AGRN: variants seen among roughly 807,000 people sequenced by gnomAD.
The protein encoded by AGRN is agrin proteoglycan.
Under a neutral mutation model 211.0 loss-of-function variants are expected in AGRN, and 106 were observed. That is an observed-to-expected ratio of 0.50 (90% CI 0.43 to 0.59). The LOEUF is 0.59. Ranked by LOEUF, AGRN falls within the 20% of genes least tolerant of loss-of-function variation. The pLI is 0.00. For synonymous variants in AGRN, 1,525 were observed against 1,332.5 expected (o/e 1.14, Z -3.15); for missense variants, 3,040 against 2,982.6 (o/e 1.02, Z -0.45).
chr1:1,035,078 A>C, intron 2 of AGRN, 199 bp from the exon 3 acceptor site: 3 of 661,006 alleles, frequency 4.5e-6, no homozygotes, highest in East Asian at 2.7e-5. Flanking sequence ...CTGGAGGGGC[A>C]GAGAAAAGCA....
In AGRN at chr1:1,040,783, T is replaced by G; in HGVS notation, c.630T>G (p.Cys210Trp). Residue 210 changes from cysteine to tryptophan, a missense_variant, in exon 4 of 36, where the codon TGT becomes TGG. By Grantham distance (215) the Cys-to-Trp change is radical (BLOSUM62 -2). Coordinates refer to ENST00000379370, the MANE Select transcript of AGRN (RefSeq NM_198576.4). Reference protein sequence around the residue: ...SPCPSVVAPVCGSDASTYSNE... With the variant: ...SPCPSVVAPVWGSDASTYSNE... Reference sequence around the variant, plus strand: ...GCCCCAGCGTGGTGGCGCCTGTGTGTGGGTCGGACGCCTCCACCTACAGCA... The same window carrying G: ...GCCCCAGCGTGGTGGCGCCTGTGTGGGGGTCGGACGCCTCCACCTACAGCA... 1 of 1,539,122 alleles carries G rather than the reference T, an allele frequency of 6.5e-7. No individual in the cohort carries two copies. The highest frequency in any genetic ancestry group is 8.7e-7 in the Non-Finnish European group (1 of 1,147,468).
Position 1,032,248 on chromosome 1 carries a change from C to G in AGRN, c.464-3029C>G, listed in dbSNP as rs555855863. ...TTCCTGCAGGGTTTCATTGGAACAC[C>G]AGGTTCCAGGGCCGTAGAGATGTGG... is the stretch of plus-strand genomic sequence containing the variant. On this transcript the variant is annotated intron_variant, in intron 2 of 35. Coordinates refer to ENST00000379370, the MANE Select transcript of AGRN (RefSeq NM_198576.4). This position sits in a 1 kb window ranked among gnomAD's most constrained non-coding sequence, Gnocchi z 4.7. 7.4e-4 allele frequency among the ~76,000 whole-genome samples: 113 copies of G among 152,270 alleles called. 1 individual carries two copies. Among genetic ancestry groups the G allele is most frequent in the African/African-American group, 2.6e-3 (108 of 41,536 alleles).
At position 1,044,189 on chromosome 1, in the gene AGRN, T is replaced by C; in HGVS notation, c.2080T>C (p.Trp694Arg). The C allele has an allele frequency of 6.2e-7, 1 of 1,613,008 alleles. No individual in the cohort carries two copies. Among genetic ancestry groups the C allele is most frequent in the South Asian group, 1.1e-5 (1 of 91,066 alleles). ...GCTGTGCCGGCAGCGCGGTGGCATC[T>C]GGGACGAGGACTCGGAGGACGGGCC... is the stretch of plus-strand genomic sequence containing the variant. ...QELCRQRGGI[W>R]DEDSEDGPCV... The change falls in exon 11 of 36, where the codon TGG becomes CGG. Residue 694 changes from tryptophan (W) to arginine (R), a missense_variant. Around this residue, in one of 3 missense-constraint regions of AGRN, gnomAD observed 1,498 missense variants for 1,457.8 expected, o/e 1.03. Coordinates refer to ENST00000379370, the MANE Select transcript of AGRN (RefSeq NM_198576.4).
At chr1:1,042,771 G>T (rs1265042962) in intron 7 of AGRN, among the ~76,000 whole-genome samples, 1 of 152,166 alleles carries the variant, frequency 6.6e-6, no homozygotes, top group Non-Finnish European at 1.5e-5. Context: ...TGCGGCAGGG[G>T]GGGTGGCTTG....
rs756083273 is a variant in AGRN, at chr1:1,050,531, C to T, written c.5081C>T (p.Ala1694Val). ...GGCAAGGGGGACTTCGTGTCGCTGG[C>T]ACTGCGGGACCGCCGCCTGGAGTTC... ...TDGKGDFVSL[A>V]LRDRRLEFRY... The change falls in exon 29 of 36, where the codon GCA becomes GTA. Residue 1694 changes from alanine (A) to valine (V), a missense_variant. Physicochemically the swap from Ala to Val is moderately conservative, Grantham distance 64. Transcript: ENST00000379370. 5.6e-6 allele frequency: 9 copies of T among 1,612,766 alleles called. No individual in the cohort carries two copies. The highest frequency in any genetic ancestry group is 1.1e-5 in the South Asian group (1 of 91,070).
At chr1:1,047,735 T>C (rs1557713275) in intron 21 of AGRN, 41 bp from the exon 22 acceptor site, 1 of 1,612,208 alleles carries the variant, frequency 6.2e-7, no homozygotes, top group Non-Finnish European at 8.5e-7. Flanking sequence ...GGGTGGGGGA[T>C]GCCTGGGGCT....
At chr1:1,051,962 G>T in intron 33 of AGRN, 147 bp downstream of exon 33, 1 of 1,547,538 alleles carries the variant, frequency 6.5e-7, no homozygotes, top group Non-Finnish European at 8.7e-7. Context: ...CGGTCCTCCC[G>T]CCTCTCACTG....
At position 1,047,636 on chromosome 1, in the gene AGRN, C is replaced by G. The variant is rs1179166842; in HGVS notation, c.3580C>G (p.Leu1194Val). 1.2e-6 allele frequency: 2 copies of G among 1,612,972 alleles called. No individual in the cohort carries two copies. The highest frequency in any genetic ancestry group is 1.7e-6 in the Non-Finnish European group (2 of 1,180,038). ...TTTTCGGAGTGTCCGCTTGCGGGAC[C>G]TGGGGCCCGGCAAATCCGTCCGCGC... is the stretch of plus-strand genomic sequence containing the variant. The part of the protein sequence containing the change: ...KDFRSVRLRD[L>V]GPGKSVRAIV... Residue 1194 changes from leucine (L) to valine (V), a missense_variant, in exon 21 of 36, where the codon CTG becomes GTG. Around this residue, in one of 3 missense-constraint regions of AGRN, gnomAD observed 1,537 missense variants for 1,505.0 expected, o/e 1.02. Transcript: ENST00000379370.
Position 1,040,697 on chromosome 1 carries a change from G to A in AGRN, c.544G>A (p.Val182Met), listed in dbSNP as rs561344136. 1.9e-5 allele frequency: 30 copies of A among 1,547,586 alleles called. No individual in the cohort carries two copies. The East Asian group carries it at 4.9e-4, about 25-fold the overall frequency. ...GGGAATGCTGTGCGGCTTCGGCGCCGTGTGCGAGCCCAACGCGGAGGGGCC... is the reference window on the plus strand; with the variant it reads ...GGGAATGCTGTGCGGCTTCGGCGCCATGTGCGAGCCCAACGCGGAGGGGCC... ...CRGMLCGFGA[V>M]CEPNAEGPGR... The change falls in exon 4 of 36, where the codon GTG (valine) becomes ATG (methionine). Residue 182 changes from valine to methionine, a missense_variant. By Grantham distance (21) the Val-to-Met change is conservative (BLOSUM62 1). This residue lies in a region of AGRN where 1,498 missense variants were observed against 1,457.8 expected (regional missense o/e 1.03). Coordinates refer to ENST00000379370, the MANE Select transcript of AGRN (RefSeq NM_198576.4).
In AGRN at chr1:1,031,598, G is replaced by T. The variant is rs969953934; in HGVS notation, c.464-3679G>T. Among the ~76,000 whole-genome samples, 16 of 152,204 alleles carry T rather than the reference G, an allele frequency of 1.1e-4. No individual in the cohort carries two copies. Among genetic ancestry groups the T allele is most frequent in the Non-Finnish European group, 2.1e-4 (14 of 68,010 alleles). On this transcript the variant is annotated intron_variant, in intron 2 of 35. Transcript: ENST00000379370. The surrounding 1 kb of genome is among the most constrained non-coding windows in gnomAD (Gnocchi z 4.8). ...CCAAGGGGCCCTAAGCCTCATTCCA[G>T]TGTCGGCCTGGGGCAGCCAGGCCCC...
rs1336013600 is a variant in AGRN at position 1,055,960 on chromosome 1, TTCCCCACCCCCATCCCA to T, written c.*992_*1008del. 1 of 152,226 alleles carries T rather than the reference TTCCCCACCCCCATCCCA, an allele frequency of 6.6e-6. No individual in the cohort carries two copies. The highest frequency in any genetic ancestry group is 1.5e-5 in the Non-Finnish European group (1 of 68,052). 9.4% of individuals were successfully genotyped at this position (152,226 alleles called of 1,614,324 possible). On this transcript the variant is annotated 3_prime_UTR_variant, in exon 36 of 36. Coordinates refer to ENST00000379370, the MANE Select transcript of AGRN (RefSeq NM_198576.4). The stretch of plus-strand genomic sequence containing the variant: ...GCCTTAAACTGCAACGTCCCGTCCC[TTCCCCACCCCCATCCCA>T]TCCCCACCCCCAGCCCCAGCCCAGT...
At position 1,049,769 on chromosome 1, in the gene AGRN, A is replaced by G; in HGVS notation, c.4718A>G (p.His1573Arg). Residue 1573 changes from histidine (H) to arginine (R), a missense_variant, in exon 26 of 36, where the codon CAT becomes CGT. Physicochemically the swap from His to Arg is conservative, Grantham distance 29. This residue lies in a region of AGRN where 1,537 missense variants were observed against 1,505.0 expected (regional missense o/e 1.02). Transcript: ENST00000379370. ...PCQNLEAGRF[H>R]CQCPPGRVGP... ...CAGAACCTGGAGGCTGGAAGGTTCC[A>G]TTGCCAGTGCCCGCCCGGCCGCGTC... The G allele has an allele frequency of 6.3e-7, 1 of 1,588,026 alleles. No individual in the cohort carries two copies. Among genetic ancestry groups the G allele is most frequent in the South Asian group, 1.1e-5 (1 of 88,808 alleles).
At chr1:1,037,886 G>A (rs1226342863) in intron 3 of AGRN, among the ~76,000 whole-genome samples, 1 of 152,264 alleles carries the variant, frequency 6.6e-6, no homozygotes, top group Non-Finnish European at 1.5e-5. Context: ...ACGTGCGTGT[G>A]TGCCATCACC....
chr1:1,025,172 G>A (rs1259026027), intron 2 of AGRN, among the ~76,000 whole-genome samples: 6 of 152,090 alleles, frequency 3.9e-5, no homozygotes, highest in Non-Finnish European at 7.4e-5. Flanking sequence ...TGCCCCTGCC[G>A]GGGCCTGGCA....
At chr1:1,022,179 C>T (rs1383601032) in intron 1 of AGRN, 22 bp from the exon 2 acceptor site, 1 of 1,612,850 alleles carries the variant, frequency 6.2e-7, no homozygotes, top group East Asian at 2.2e-5. Flanking sequence ...ACTAATGACA[C>T]CTACCGCCAT....
In AGRN at chr1:1,047,564, C is replaced by T. The variant is rs1294817583; in HGVS notation, c.3517-9C>T. The T allele has an allele frequency of 6.2e-7, 1 of 1,612,908 alleles. No individual in the cohort carries two copies. Reference sequence around the variant, plus strand: ...GGCCCCCCAAGTCCTTGCCTACTCCCTGCCACAGCTGGACGACCTCTTCCG... The same window carrying T: ...GGCCCCCCAAGTCCTTGCCTACTCCTTGCCACAGCTGGACGACCTCTTCCG... On this transcript the variant is annotated splice_polypyrimidine_tract_variant and intron_variant, in intron 20 of 35. Coordinates refer to ENST00000379370, the MANE Select transcript of AGRN (RefSeq NM_198576.4).
intron 2 of AGRN, among the ~76,000 whole-genome samples, chr1:1,026,505 C>T (rs557123951): frequency 1.1e-4 from 16 of 152,304 alleles, no homozygotes; most frequent in African/African-American, 2.2e-4. Context: ...CTGACTCTGC[C>T]CCCATCACTG....
At chr1:1,024,129 T>G (rs28591569) in intron 2 of AGRN, among the ~76,000 whole-genome samples, 16,626 of 151,664 alleles carry the variant, frequency 0.11, 1,003 homozygotes, top group African/African-American at 0.15. Flanking sequence ...GAGCTTCCGG[T>G]GGGACATGTG....
Position 1,049,061 on chromosome 1 carries a change from T to A in AGRN, c.4298+2T>A. On this transcript the variant is annotated splice_donor_variant, in intron 24 of 35. Coordinates refer to ENST00000379370, the MANE Select transcript of AGRN (RefSeq NM_198576.4). LOFTEE classifies it high-confidence loss of function. ...GCTAGATGGCCGCGTGCAGCTCAGGTGGGCGGGGAGGGGACGGGGCCGGGG... is the reference window on the plus strand; with the variant it reads ...GCTAGATGGCCGCGTGCAGCTCAGGAGGGCGGGGAGGGGACGGGGCCGGGG... 6.7e-7 allele frequency: 1 copy of A among 1,492,692 alleles called. No individual in the cohort carries two copies. The highest frequency in any genetic ancestry group is 8.9e-7 in the Non-Finnish European group (1 of 1,117,628). The allele number at this position is 1,492,692 out of a possible 1,614,324, so 92.5% of individuals were successfully genotyped here.
Sources: allele counts gnomAD v4.1 joint callset (sites outside exome capture counted in the v4.1 genomes callset), GRCh38; gene constraint gnomAD v4.1.1; regional missense constraint gnomAD v4.1.1; non-coding constraint Gnocchi (gnomAD v3.1); transcripts MANE v1.5; gene names NCBI Gene and HGNC (gene_info 2026-07-23, HGNC 2026-07-21).